GRM8: variants seen among roughly 807,000 people sequenced by gnomAD.
GRM8 encodes the protein glutamate metabotropic receptor 8, also known as metabotropic glutamate receptor 8.
Under a neutral mutation model 87.2 loss-of-function variants are expected in GRM8, and 47 were observed. The ratio of observed to expected loss-of-function variants is 0.54; its 90% CI spans 0.43 to 0.69. The LOEUF (loss-of-function observed/expected upper bound fraction) is 0.69, where lower values mean the gene tolerates loss of function less well. GRM8 is among the 30% of genes least tolerant of loss of function. The pLI is 0.00. For synonymous variants in GRM8, 396 were observed against 404.5 expected (o/e 0.98, Z 0.25); for missense variants, 1,019 against 1,139.2 (o/e 0.89, Z 1.52).
chr7:127,002,614 GATA>G (rs2132041931), intron 3 of GRM8, among the ~76,000 whole-genome samples: 1 of 151,710 alleles, frequency 6.6e-6, no homozygotes, highest in East Asian at 1.9e-4. Context: ...ATCTGGGAGT[GATA>G]ATAAGATTTT....
chr7:126,664,795 C>T (rs1158136280), intron 7 of GRM8, among the ~76,000 whole-genome samples: 1 of 151,972 alleles, frequency 6.6e-6, no homozygotes, highest in African/African-American at 2.4e-5. Flanking sequence ...AACTAAAGAC[C>T]CTCTGCACAG....
chr7:126,479,689 G>A (rs140966094), intron 9 of GRM8, among the ~76,000 whole-genome samples: 185 of 152,144 alleles, frequency 1.2e-3, no homozygotes, highest in African/African-American at 4.3e-3. Flanking sequence ...GAACATTAAT[G>A]TACGGATTTT....
intron 8 of GRM8, among the ~76,000 whole-genome samples, chr7:126,607,858 C>A (rs1283723556): frequency 1.5e-5 from 2 of 133,790 alleles, no homozygotes; most frequent in African/African-American, 5.8e-5. Context: ...CTCCCCCCAC[C>A]CCACAACAGT....
intron 2 of GRM8, among the ~76,000 whole-genome samples, chr7:127,187,412 G>T (rs17862315): frequency 6.6e-6 from 1 of 151,876 alleles, no homozygotes; most frequent in Non-Finnish European, 1.5e-5. Context: ...AGCAGGAGTG[G>T]TTTTTTAACA....
At chr7:127,223,142 A>G (rs17863247) in intron 2 of GRM8, among the ~76,000 whole-genome samples, 23,067 of 152,146 alleles carry the variant, frequency 0.15, 1,900 homozygotes, top group Middle Eastern at 0.21. Context: ...TAAAACAAGC[A>G]TAAGAAGACA....
intron 2 of GRM8, among the ~76,000 whole-genome samples, chr7:127,158,503 G>A (rs1352852211): frequency 1.3e-5 from 2 of 152,164 alleles, no homozygotes; most frequent in African/African-American, 4.8e-5. Flanking sequence ...ACAACAGAAA[G>A]TTATTTCTCA....
chr7:126,767,878 G>C (rs1170950810), intron 7 of GRM8, among the ~76,000 whole-genome samples: 1 of 152,012 alleles, frequency 6.6e-6, no homozygotes, highest in African/African-American at 2.4e-5. Flanking sequence ...AGAGCTCAAA[G>C]AGATTGTCTT....
intron 3 of GRM8, among the ~76,000 whole-genome samples, chr7:126,998,680 C>T (rs767049038): frequency 8.6e-5 from 13 of 150,508 alleles, no homozygotes; most frequent in South Asian, 4.2e-4. Flanking sequence ...ACAAATAAAA[C>T]GAAATACAAA....
chr7:126,984,955 C>T (rs999725643), intron 3 of GRM8, among the ~76,000 whole-genome samples: 2 of 152,112 alleles, frequency 1.3e-5, no homozygotes, highest in East Asian at 1.9e-4. Flanking sequence ...CTGCATATGC[C>T]TCATTTTATG....
At chr7:126,795,534 T>C (rs1371705309) in intron 6 of GRM8, among the ~76,000 whole-genome samples, 3 of 152,096 alleles carry the variant, frequency 2.0e-5, no homozygotes, top group East Asian at 1.9e-4. Flanking sequence ...AATTGGAAAA[T>C]TGGCTTCTAC....
chr7:126,773,573 C>G (rs746168065), intron 6 of GRM8, among the ~76,000 whole-genome samples: 17 of 152,200 alleles, frequency 1.1e-4, no homozygotes, highest in Non-Finnish European at 2.1e-4. Flanking sequence ...TATATATTAT[C>G]ATTGTATTTT....
chr7:127,045,704 C>A (rs1032949950), intron 3 of GRM8, among the ~76,000 whole-genome samples: 2 of 152,164 alleles, frequency 1.3e-5, no homozygotes, highest in Admixed American at 1.3e-4. Context: ...AGATCCCACA[C>A]GTGCATAACT....
At chr7:126,914,717 T>C (rs2131316824) in intron 3 of GRM8, among the ~76,000 whole-genome samples, 1 of 152,258 alleles carries the variant, frequency 6.6e-6, no homozygotes, top group African/African-American at 2.4e-5. Context: ...GAGCTAAATC[T>C]TGGCTACACA....
At chr7:126,987,373 A>G (rs1228313063) in intron 3 of GRM8, among the ~76,000 whole-genome samples, 1 of 151,934 alleles carries the variant, frequency 6.6e-6, no homozygotes, top group African/African-American at 2.4e-5. Flanking sequence ...TTTCTCCTAT[A>G]GCAACACCTA....
intron 3 of GRM8, among the ~76,000 whole-genome samples, chr7:126,930,152 T>G (rs1312977504): frequency 6.6e-6 from 1 of 152,112 alleles, no homozygotes; most frequent in African/African-American, 2.4e-5. Flanking sequence ...GAGACAACAG[T>G]GATTAAGAAT....
intron 3 of GRM8, among the ~76,000 whole-genome samples, chr7:126,962,070 A>G (rs1809377874): frequency 6.6e-6 from 1 of 152,198 alleles, no homozygotes; most frequent in African/African-American, 2.4e-5. Context: ...TATTGTTCAT[A>G]TATACAATGT....
At chr7:127,182,940 T>C (rs1460999605) in intron 2 of GRM8, among the ~76,000 whole-genome samples, 1 of 151,882 alleles carries the variant, frequency 6.6e-6, no homozygotes, top group African/African-American at 2.4e-5. Context: ...ACAAATATAG[T>C]GCAGTGTATA....
intron 9 of GRM8, among the ~76,000 whole-genome samples, chr7:126,523,844 G>T: frequency 6.6e-6 from 1 of 151,690 alleles, no homozygotes; most frequent in East Asian, 1.9e-4. Flanking sequence ...GATTTACAGG[G>T]TTTGTATAAT....
chr7:126,955,322 G>C (rs988657801), intron 3 of GRM8, among the ~76,000 whole-genome samples: 1 of 152,084 alleles, frequency 6.6e-6, no homozygotes, highest in African/African-American at 2.4e-5. Flanking sequence ...AGTCAGCTAA[G>C]AACCCATCAA....
Sources: allele counts gnomAD v4.1 joint callset (sites outside exome capture counted in the v4.1 genomes callset), GRCh38; gene constraint gnomAD v4.1.1; transcripts MANE v1.5; gene names NCBI Gene and HGNC (gene_info 2026-07-23, HGNC 2026-07-21).